PLS1: variants seen among roughly 807,000 people sequenced by gnomAD.
The protein encoded by PLS1 is plastin 1.
Under a neutral mutation model 73.7 loss-of-function variants are expected in PLS1, and 32 were observed. That is an observed-to-expected ratio of 0.43 (90% CI 0.33 to 0.58). The LOEUF (loss-of-function observed/expected upper bound fraction) is 0.58. Ranked by LOEUF, PLS1 falls within the 20% of genes least tolerant of loss-of-function variation. The probability of loss-of-function intolerance (pLI) is 0.04; values close to 1 mark genes in which losing one functional copy is unlikely to be tolerated. For synonymous variants in PLS1, 217 were observed against 261.3 expected (o/e 0.83, Z 1.63); for missense variants, 633 against 740.5 (o/e 0.85, Z 1.68).
chr3:142,676,251 T>C lies in PLS1; in HGVS notation c.459T>C (p.Asp153=), dbSNP rs2037722627. ...TTATACCCATGAATCCCAATGATGA[T>C]AGTCTTTTCAAGTCACTTGCAGATG... ...KHLIPMNPND[D]SLFKSLADGI... Residue 153 remains aspartate, a synonymous_variant, in exon 5 of 16, where the codon GAT becomes GAC. Transcript: ENST00000457734. 1.9e-6 allele frequency: 3 copies of C among 1,613,338 alleles called. No individual in the cohort carries two copies. The highest frequency in any genetic ancestry group is 3.3e-5 in the Admixed American group (2 of 59,954).
At chr3:142,663,931 G>T (rs1296472357) in intron 1 of PLS1, among the ~76,000 whole-genome samples, 1 of 152,140 alleles carries the variant, frequency 6.6e-6, no homozygotes, top group Non-Finnish European at 1.5e-5. Flanking sequence ...AATGCAAATA[G>T]AAATTATTAA....
At chr3:142,703,159 T>G (rs2038365497) in intron 12 of PLS1, among the ~76,000 whole-genome samples, 1 of 152,118 alleles carries the variant, frequency 6.6e-6, no homozygotes, top group Non-Finnish European at 1.5e-5. Flanking sequence ...ACAATTACTT[T>G]CTTTTCTATT....
intron 1 of PLS1, among the ~76,000 whole-genome samples, chr3:142,653,507 C>G (rs761140306): frequency 6.6e-6 from 1 of 151,814 alleles, no homozygotes; most frequent in Non-Finnish European, 1.5e-5. Context: ...ACTACAGGCT[C>G]AAGCCACCAC....
chr3:142,608,110 G>T (rs1204032272), intron 1 of PLS1, among the ~76,000 whole-genome samples: 1 of 152,138 alleles, frequency 6.6e-6, no homozygotes, highest in Non-Finnish European at 1.5e-5. Flanking sequence ...CTCCCAAACT[G>T]CTGGGATTAT....
At chr3:142,647,810 T>C (rs1187719935) in intron 1 of PLS1, among the ~76,000 whole-genome samples, 2 of 152,210 alleles carry the variant, frequency 1.3e-5, no homozygotes, top group Admixed American at 1.3e-4. Context: ...TTGAATCTTC[T>C]AGTCAGATGA....
intron 14 of PLS1, among the ~76,000 whole-genome samples, chr3:142,708,157 C>G (rs1160284608): frequency 6.6e-6 from 1 of 152,142 alleles, no homozygotes; most frequent in Admixed American, 6.5e-5. Flanking sequence ...ATATAAAGGG[C>G]ATCATATGTG....
At chr3:142,651,786 G>A (rs548410478) in intron 1 of PLS1, among the ~76,000 whole-genome samples, 1 of 152,324 alleles carries the variant, frequency 6.6e-6, no homozygotes, top group South Asian at 2.1e-4. Context: ...GTTTGCCAAA[G>A]CTTAAAAATC....
rs2035925523 is a variant in PLS1, at chr3:142,601,372, A to G, written c.-37+4863A>G. 2.6e-5 allele frequency among the ~76,000 whole-genome samples: 4 copies of G among 152,066 alleles called. No individual in the cohort carries two copies. The South Asian group carries it at 8.3e-4, about 32-fold the overall frequency. On this transcript the variant is annotated intron_variant, in intron 1 of 15. Transcript: ENST00000457734. ...CTAGAATTTACCATGGCCCTTTGTA[A>G]AATGACAAATATCTTTCTTAAAATA...
intron 6 of PLS1, among the ~76,000 whole-genome samples, chr3:142,680,625 A>G (rs1209867512): frequency 6.6e-6 from 1 of 152,174 alleles, no homozygotes; most frequent in Non-Finnish European, 1.5e-5. Flanking sequence ...GCTCCTCCAT[A>G]CAGATCTTGT....
At chr3:142,708,405 C>T (rs763418237) in intron 14 of PLS1, among the ~76,000 whole-genome samples, 2 of 152,144 alleles carry the variant, frequency 1.3e-5, no homozygotes, top group African/African-American at 2.4e-5. Flanking sequence ...CGCCATCACG[C>T]CCAATTAATT....
At chr3:142,601,794 G>C (rs2035932596) in intron 1 of PLS1, among the ~76,000 whole-genome samples, 1 of 152,026 alleles carries the variant, frequency 6.6e-6, no homozygotes, top group South Asian at 2.1e-4. Flanking sequence ...TGAGATTACA[G>C]GCATGAACCA....
intron 10 of PLS1, among the ~76,000 whole-genome samples, chr3:142,693,370 G>A (rs935524647): frequency 3.3e-5 from 5 of 152,096 alleles, no homozygotes; most frequent in Non-Finnish European, 7.4e-5. Flanking sequence ...TGTTGCAATC[G>A]CTCTATACGA....
chr3:142,609,430 C>T (rs1192153379), intron 1 of PLS1, among the ~76,000 whole-genome samples: 1 of 136,996 alleles, frequency 7.3e-6, no homozygotes, highest in Non-Finnish European at 1.5e-5. Flanking sequence ...ACTGGATGAT[C>T]ACGTACAGCT....
At chr3:142,674,702 G>A (rs1038559982) in intron 4 of PLS1, among the ~76,000 whole-genome samples, 3 of 151,998 alleles carry the variant, frequency 2.0e-5, no homozygotes, top group Admixed American at 6.6e-5. Flanking sequence ...GATAGTGCTG[G>A]TATCTAGATT....
At chr3:142,680,207 G>C (rs1375986112) in intron 6 of PLS1, among the ~76,000 whole-genome samples, 1 of 152,170 alleles carries the variant, frequency 6.6e-6, no homozygotes, top group African/African-American at 2.4e-5. Flanking sequence ...AGGGCTATAA[G>C]CATGTACCAC....
chr3:142,664,116 G>C (rs2037427761), intron 1 of PLS1, 86 bp from the exon 2 acceptor site: 1 of 522,032 alleles, frequency 1.9e-6, no homozygotes. Flanking sequence ...ATTCCTCCTA[G>C]AGAATGTACT....
chr3:142,704,240 T>C (rs1271389934), intron 13 of PLS1, among the ~76,000 whole-genome samples: 1 of 152,248 alleles, frequency 6.6e-6, no homozygotes, highest in African/African-American at 2.4e-5. Context: ...AATGGCTTCA[T>C]AAGGAATTGC....
chr3:142,611,047 T>C (rs2036112557), intron 1 of PLS1, among the ~76,000 whole-genome samples: 1 of 152,260 alleles, frequency 6.6e-6, no homozygotes, highest in Non-Finnish European at 1.5e-5. Flanking sequence ...TGAAGGCTGC[T>C]ATAGACAATA....
chr3:142,682,562 T>G (rs1380735180), intron 6 of PLS1, among the ~76,000 whole-genome samples: 1 of 152,270 alleles, frequency 6.6e-6, no homozygotes, highest in Admixed American at 6.5e-5. Flanking sequence ...GTCAACTGCA[T>G]ATGACATGGG....
Sources: gnomAD v4.1 joint callset for allele counts (sites outside exome capture counted in the v4.1 genomes callset) on GRCh38, gnomAD v4.1.1 for gene constraint, MANE v1.5 for transcripts, NCBI Gene and HGNC (gene_info 2026-07-23, HGNC 2026-07-21) for gene names.